The following SLC12A1 variants were observed in gnomAD, a reference collection of about 807,000 sequenced individuals.
SLC12A1 encodes Na-K-2Cl cotransporter.
Under a neutral mutation model 130.4 loss-of-function variants are expected in SLC12A1, and 89 were observed. The ratio of observed to expected loss-of-function variants is 0.68; its 90% CI spans 0.58 to 0.81. The LOEUF is 0.81. SLC12A1 is among the 40% of genes least tolerant of loss of function. The pLI, the probability that SLC12A1 is intolerant of heterozygous loss-of-function variation, is 0.00. For missense variants in SLC12A1, 1,310 were observed against 1,336.4 expected (o/e 0.98, Z 0.31); for synonymous variants, 499 against 460.0 (o/e 1.08, Z -1.09).
chr15:48,225,752 T>C (rs1273134849), intron 4 of SLC12A1: 1 of 206,566 alleles, frequency 4.8e-6, no homozygotes, highest in African/African-American at 2.4e-5. Context: ...AACTCAAATG[T>C]GGTCCTTTGA....
intron 2 of SLC12A1, among the ~76,000 whole-genome samples, chr15:48,209,823 G>C (rs2141002470): frequency 6.6e-6 from 1 of 152,236 alleles, no homozygotes; most frequent in Admixed American, 6.5e-5. Context: ...AGGAGCCCAT[G>C]TTTTTAATTT....
At position 48,207,631 on chromosome 15, in the gene SLC12A1, C is replaced by A; in HGVS notation, c.-89C>A. 3 of 1,096,590 alleles carry A rather than the reference C, an allele frequency of 2.7e-6. No individual in the cohort carries two copies. The highest frequency in any genetic ancestry group is 3.8e-6 in the Non-Finnish European group (3 of 797,526). 67.9% of individuals were successfully genotyped at this position (1,096,590 alleles called of 1,614,324 possible). On this transcript the variant is annotated 5_prime_UTR_variant, in exon 2 of 27. Coordinates refer to ENST00000380993, the MANE Select transcript of SLC12A1 (RefSeq NM_000338.3). ...AAAGCCAGGAGCTCCCTAATGGAAG[C>A]ACATTAGTGTTTATTTTGATGAAGA...
chr15:48,226,670 G>T (rs1433236109), intron 5 of SLC12A1, 99 bp downstream of exon 5: 7 of 752,264 alleles, frequency 9.3e-6, no homozygotes, highest in Non-Finnish European at 1.6e-5. Flanking sequence ...GTAGCCCGAT[G>T]TTCTTGAAGC....
chr15:48,292,685 C>T (rs539772999), intron 24 of SLC12A1, among the ~76,000 whole-genome samples: 3 of 152,198 alleles, frequency 2.0e-5, no homozygotes, highest in African/African-American at 7.2e-5. Context: ...ATGTAGATGG[C>T]CGCCTCCTTG....
chr15:48,212,692 C>T (rs540993138), intron 2 of SLC12A1, among the ~76,000 whole-genome samples: 1 of 151,984 alleles, frequency 6.6e-6, no homozygotes, highest in East Asian at 1.9e-4. Flanking sequence ...TAAAAGGATT[C>T]AAGGAAATAT....
chr15:48,270,959 C>T (rs947532739), intron 19 of SLC12A1, among the ~76,000 whole-genome samples: 5 of 150,634 alleles, frequency 3.3e-5, no homozygotes, highest in African/African-American at 1.2e-4. Flanking sequence ...CATGGTGGCT[C>T]ACCCCTGTAA....
At chr15:48,260,331 C>T (rs2041759124) in intron 17 of SLC12A1, among the ~76,000 whole-genome samples, 1 of 84,216 alleles carries the variant, frequency 1.2e-5, no homozygotes, top group East Asian at 4.2e-4. Context: ...TGTATTCCCT[C>T]TCTCTCTCTC....
chr15:48,252,181 C>G (rs915247785), intron 15 of SLC12A1, among the ~76,000 whole-genome samples: 15 of 151,952 alleles, frequency 9.9e-5, no homozygotes, highest in African/African-American at 3.6e-4. Flanking sequence ...CCAACCTGGG[C>G]AACAAGAGCG....
At position 48,259,265 on chromosome 15, in the gene SLC12A1, C is replaced by A. The variant is rs772951414; in HGVS notation, c.2108C>A (p.Ala703Asp). ...CCTGCTCTCCTGGACATAACTCACG[C>A]CTTTACCAAGAACAGTGGCCTTTGC... ...TRPALLDITHAFTKNSGLCIC... is the reference protein window; with the variant it reads ...TRPALLDITHDFTKNSGLCIC... Residue 703 changes from alanine to aspartate, a missense_variant, in exon 17 of 27, where the codon GCC (alanine) becomes GAC (aspartate). By Grantham distance (126) the Ala-to-Asp change is moderately radical (BLOSUM62 -2). Coordinates refer to ENST00000380993, the MANE Select transcript of SLC12A1 (RefSeq NM_000338.3). 3.1e-6 allele frequency: 5 copies of A among 1,613,734 alleles called. No homozygotes were observed. In the African/African-American group the frequency reaches 6.7e-5, roughly 22 times the overall value.
intron 19 of SLC12A1, among the ~76,000 whole-genome samples, chr15:48,271,827 TAGTC>T (rs1296860810): frequency 6.6e-6 from 1 of 152,198 alleles, no homozygotes; most frequent in Non-Finnish European, 1.5e-5. Context: ...TTTAGAATCA[TAGTC>T]AGTTGCTGAT....
chr15:48,234,480 C>T (rs953420728), intron 8 of SLC12A1, among the ~76,000 whole-genome samples: 27 of 152,252 alleles, frequency 1.8e-4, no homozygotes, highest in African/African-American at 6.3e-4. Context: ...CGGTAGCTCA[C>T]GCCTGTAATC....
At chr15:48,206,761 T>A (rs1380809282) in intron 1 of SLC12A1, among the ~76,000 whole-genome samples, 1 of 152,146 alleles carries the variant, frequency 6.6e-6, no homozygotes, top group Non-Finnish European at 1.5e-5. Flanking sequence ...TTAAAATGAG[T>A]CAGTAGAGCA....
intron 16 of SLC12A1, 36 bp from the exon 17 acceptor site, chr15:48,259,164 C>A: frequency 7.4e-7 from 1 of 1,358,680 alleles, no homozygotes; most frequent in Non-Finnish European, 1.1e-6. Context: ...AGGCTTCTTG[C>A]AGGGGCTCAT....
At chr15:48,239,343 T>C (rs1283931774) in intron 9 of SLC12A1, among the ~76,000 whole-genome samples, 1 of 151,828 alleles carries the variant, frequency 6.6e-6, no homozygotes, top group East Asian at 1.9e-4. Flanking sequence ...AAACCGTGTC[T>C]CTACAAAACA....
intron 2 of SLC12A1, among the ~76,000 whole-genome samples, chr15:48,218,800 A>G (rs1466323749): frequency 1.3e-5 from 2 of 152,224 alleles, no homozygotes; most frequent in African/African-American, 4.8e-5. Context: ...CTGTTTTCAG[A>G]GCTCAAAGAA....
Position 48,229,293 on chromosome 15 carries a change from GTGGGA to G in SLC12A1, c.831_835del (p.Gly278CysfsTer2). On this transcript the variant is annotated frameshift_variant, in exon 6 of 27. Transcript: ENST00000380993. LOFTEE classifies it high-confidence loss of function. Reference sequence around the variant, plus strand: ...TGCAGTGGCTGTTGCTATGTATGTGGTGGGATTTGCTGAGACTGTAGTAGATCTTC... The same window carrying G: ...TGCAGTGGCTGTTGCTATGTATGTGGTTTGCTGAGACTGTAGTAGATCTTC... The G allele has an allele frequency of 6.2e-7, 1 of 1,605,230 alleles. No homozygotes were observed. Among genetic ancestry groups the G allele is most frequent in the Non-Finnish European group, 8.5e-7 (1 of 1,175,520 alleles).
chr15:48,251,783 C>G lies in SLC12A1; in HGVS notation c.1942+13C>G, dbSNP rs1597429538. 9 of 1,612,044 alleles carry G rather than the reference C, an allele frequency of 5.6e-6. No homozygotes were observed. The East Asian group carries it at 2.0e-4, about 36-fold the overall frequency. ...TGTAAGAAGCCAGGTAAGATAATGA[C>G]TGTCTGGAATAGCGTTTCCAAATCT... On this transcript the variant is annotated intron_variant, in intron 15 of 26. Transcript: ENST00000380993.
rs60463295 is a variant in SLC12A1, at chr15:48,289,431, T to TATATATATATA, written c.2873+915_2873+916insATATATATATA. Among the ~76,000 whole-genome samples, 810 of 122,020 alleles carry TATATATATATA rather than the reference T, an allele frequency of 6.6e-3. 35 individuals are homozygous for TATATATATATA. Among genetic ancestry groups the TATATATATATA allele is most frequent in the Admixed American group, 8.6e-3 (102 of 11,826 alleles). 80.0% of individuals were successfully genotyped at this position (122,020 alleles called of 152,430 possible). A position where few individuals can be genotyped will look rare whatever the true frequency, so the allele number is the denominator to read the frequency against. ...TATATATATATATATATATATATAA[T>TATATATATATA]GTATAACTATGTATAACTGTATAAT... is the stretch of plus-strand genomic sequence containing the variant. On this transcript the variant is annotated intron_variant, in intron 23 of 26. Coordinates refer to ENST00000380993, the MANE Select transcript of SLC12A1 (RefSeq NM_000338.3).
In SLC12A1 at chr15:48,301,503, G is replaced by T. The variant is rs557632707; in HGVS notation, c.3164+121G>T. On this transcript the variant is annotated intron_variant, in intron 26 of 26. Coordinates refer to ENST00000380993, the MANE Select transcript of SLC12A1 (RefSeq NM_000338.3). ...TTTGTTTTGTTTTTGTGTTTTTTTT[G>T]GGGGGGGGAACACGTGGGATTCTTA... 1.4e-3 allele frequency: 611 copies of T among 442,778 alleles called. 27 individuals are homozygous for T. The highest frequency in any genetic ancestry group is 9.1e-3 in the African/African-American group (286 of 31,406). The allele number at this position is 442,778 out of a possible 1,614,324, so 27.4% of individuals were successfully genotyped here.
Sources: allele counts gnomAD v4.1 joint callset (sites outside exome capture counted in the v4.1 genomes callset), GRCh38; gene constraint gnomAD v4.1.1; transcripts MANE v1.5; gene names NCBI Gene and HGNC (gene_info 2026-07-23, HGNC 2026-07-21).